Variants in ARHGAP26 observed in about 807,000 individuals in gnomAD.
The protein encoded by ARHGAP26 is rho GTPase-activating protein 26.
A neutral mutation model predicts 104.8 loss-of-function variants in ARHGAP26; 38 were observed. The ratio of observed to expected loss-of-function variants is 0.36; its 90% CI spans 0.28 to 0.48. The LOEUF (loss-of-function observed/expected upper bound fraction) is 0.48. ARHGAP26 is among the 20% of genes least tolerant of loss of function. The pLI is 0.99. For synonymous variants in ARHGAP26, 341 were observed against 340.0 expected (o/e 1.00, Z -0.03); for missense variants, 704 against 947.9 (o/e 0.74, Z 3.38).
chr5:142,894,569 T>A (rs559164940), intron 6 of ARHGAP26, among the ~76,000 whole-genome samples: 44 of 152,310 alleles, frequency 2.9e-4, no homozygotes, highest in African/African-American at 1.0e-3. Flanking sequence ...CGTCCAGCAG[T>A]CATTCCTTCC....
At chr5:143,053,500 A>G (rs1323656466) in intron 14 of ARHGAP26, among the ~76,000 whole-genome samples, 1 of 152,152 alleles carries the variant, frequency 6.6e-6, no homozygotes, top group Non-Finnish European at 1.5e-5. Context: ...CAGGGACAGG[A>G]TGGGGATCTG....
chr5:143,168,567 T>G (rs1802363079), intron 20 of ARHGAP26: 1 of 151,526 alleles, frequency 6.6e-6, no homozygotes, highest in African/African-American at 2.4e-5. Context: ...TTGCTTTGAG[T>G]TTTATAATGT....
intron 14 of ARHGAP26, among the ~76,000 whole-genome samples, chr5:143,046,446 T>C (rs1452070131): frequency 4.6e-5 from 7 of 152,252 alleles, no homozygotes; most frequent in Non-Finnish European, 1.0e-4. Context: ...GTCTTCTTTG[T>C]ACTGATCAGG....
At chr5:142,870,744 T>C (rs748953206) in intron 1 of ARHGAP26, among the ~76,000 whole-genome samples, 2 of 152,158 alleles carry the variant, frequency 1.3e-5, no homozygotes, top group Non-Finnish European at 2.9e-5. Context: ...ACTGAGACTT[T>C]ATGACTAACC....
At chr5:143,192,648 T>G (rs1806114179) in intron 20 of ARHGAP26, 1 of 152,236 alleles carries the variant, frequency 6.6e-6, no homozygotes, top group Non-Finnish European at 1.5e-5. Flanking sequence ...TAATGAGTAC[T>G]GAGAGGGGAG....
At chr5:142,873,064 C>A (rs942442310) in intron 1 of ARHGAP26, among the ~76,000 whole-genome samples, 12 of 152,244 alleles carry the variant, frequency 7.9e-5, no homozygotes, top group African/African-American at 2.9e-4. Flanking sequence ...GCTGTGGACA[C>A]TAATGTTGGC....
rs761517423 is a variant in ARHGAP26, at chr5:143,134,098, A to G, written c.1830A>G (p.Thr610=). The G allele has an allele frequency of 9.3e-6, 15 of 1,609,582 alleles. No homozygotes were observed. In the East Asian group the frequency reaches 3.1e-4, roughly 34 times the overall value. The change falls in exon 19 of 23, where the codon ACA becomes ACG. Residue 610 remains threonine, a synonymous_variant. Transcript: ENST00000645722. ...PLTLFHTVQS[T]EKQEQRNSII... ...CGCTCTTCCACACCGTTCAGTCAAC[A>G]GAGAAACGTGAGTCTTTGCTGCATA...
chr5:142,916,727 A>C (rs1303207626), intron 10 of ARHGAP26, among the ~76,000 whole-genome samples: 1 of 152,220 alleles, frequency 6.6e-6, no homozygotes, highest in Non-Finnish European at 1.5e-5. Flanking sequence ...TCTCTGAGAC[A>C]GATTACTTGA....
chr5:143,177,032 C>T (rs1380123727), intron 20 of ARHGAP26, among the ~76,000 whole-genome samples: 1 of 152,148 alleles, frequency 6.6e-6, no homozygotes, highest in African/African-American at 2.4e-5. Context: ...TTTGAACAAG[C>T]CATTTGACCT....
At chr5:142,938,638 C>A (rs1765800435) in intron 11 of ARHGAP26, among the ~76,000 whole-genome samples, 1 of 152,092 alleles carries the variant, frequency 6.6e-6, no homozygotes, top group Admixed American at 6.5e-5. Flanking sequence ...ATATACACAC[C>A]CAACTTGAAG....
chr5:142,920,517 A>G (rs999439915), intron 10 of ARHGAP26, among the ~76,000 whole-genome samples: 1 of 152,168 alleles, frequency 6.6e-6, no homozygotes, highest in Non-Finnish European at 1.5e-5. Context: ...GATTCCCTGA[A>G]TCAATAAAGT....
intron 19 of ARHGAP26, among the ~76,000 whole-genome samples, chr5:143,140,088 A>G (rs1472142581): frequency 6.6e-6 from 1 of 152,228 alleles, no homozygotes; most frequent in Admixed American, 6.5e-5. Context: ...TTAAAAATAC[A>G]GATGCTTGGT....
Position 142,936,651 on chromosome 5 carries a change from T to C in ARHGAP26, c.1107+4526T>C, listed in dbSNP as rs561992676. On this transcript the variant is annotated intron_variant, in intron 11 of 22. Coordinates refer to ENST00000645722, the MANE Select transcript of ARHGAP26 (RefSeq NM_001135608.3). ...TCTTTTTAGTGACAGTAATCAAGAC[T>C]GTGGTATTGACAGAGGGATAGACAC... 6.6e-5 allele frequency among the ~76,000 whole-genome samples: 10 copies of C among 152,184 alleles called. No homozygotes were observed. The South Asian group carries it at 1.9e-3, about 28-fold the overall frequency.
rs1417385741 is a variant in ARHGAP26, at chr5:142,770,911, C to T, written c.150C>T (p.Leu50=). The change falls in exon 1 of 23, where the codon CTC becomes CTT. Residue 50 remains leucine, a synonymous_variant. Transcript: ENST00000645722. ...IKDGKSLISA[L]KNLSSAKRKF... ...ACGGGAAGTCACTCATAAGCGCGCT[C>T]AAGAGTGAGTGTCCCGAGCCCCTCG... 2 of 1,606,382 alleles carry T rather than the reference C, an allele frequency of 1.2e-6. No homozygotes were observed. The highest frequency in any genetic ancestry group is 2.3e-5 in the East Asian group (1 of 43,850).
intron 11 of ARHGAP26, among the ~76,000 whole-genome samples, chr5:143,009,949 A>G (rs1439233288): frequency 6.6e-6 from 1 of 151,398 alleles, no homozygotes; most frequent in Non-Finnish European, 1.5e-5. Context: ...GTTCTATTGT[A>G]TTAAGGTAGA....
At chr5:143,093,803 G>T (rs903308131) in intron 17 of ARHGAP26, among the ~76,000 whole-genome samples, 1 of 152,188 alleles carries the variant, frequency 6.6e-6, no homozygotes, top group African/African-American at 2.4e-5. Context: ...CCTCTGAGAA[G>T]AAAGGAAAGG....
intron 11 of ARHGAP26, among the ~76,000 whole-genome samples, chr5:142,980,893 T>C (rs1270980971): frequency 6.6e-6 from 1 of 152,194 alleles, no homozygotes; most frequent in Non-Finnish European, 1.5e-5. Flanking sequence ...CACCTATGCT[T>C]GGAATTATCC....
intron 1 of ARHGAP26, among the ~76,000 whole-genome samples, chr5:142,820,188 T>C (rs1765845747): frequency 6.6e-6 from 1 of 152,150 alleles, no homozygotes; most frequent in Non-Finnish European, 1.5e-5. Context: ...AGACCTCACA[T>C]TGAGGAACAC....
intron 17 of ARHGAP26, among the ~76,000 whole-genome samples, chr5:143,113,436 C>T (rs564784652): frequency 6.6e-6 from 1 of 152,288 alleles, no homozygotes; most frequent in South Asian, 2.1e-4. Context: ...AGCAGTACAG[C>T]CTGGATGAAT....
Sources: allele counts gnomAD v4.1 joint callset (sites outside exome capture counted in the v4.1 genomes callset), GRCh38; gene constraint gnomAD v4.1.1; transcripts MANE v1.5; gene names NCBI Gene and HGNC (gene_info 2026-07-23, HGNC 2026-07-21).